Variants in NUP188 observed in about 807,000 individuals in gnomAD.
NUP188 encodes the protein nucleoporin 188, also known as nucleoporin NUP188.
Under a neutral mutation model 223.0 loss-of-function variants are expected in NUP188, and 97 were observed. The observed-to-expected ratio is 0.43, with a 90% confidence interval of 0.37 to 0.51. NUP188 has a LOEUF of 0.51. Ranked by LOEUF, NUP188 falls within the 20% of genes least tolerant of loss-of-function variation. The probability of loss-of-function intolerance (pLI) is 0.00; values close to 1 mark genes in which losing one functional copy is unlikely to be tolerated. For missense variants in NUP188, 1,947 were observed against 2,175.6 expected, an observed-to-expected ratio of 0.89 and a Z score of 2.09; for synonymous variants, 869 against 828.0, an observed-to-expected ratio of 1.05 and a Z score of -0.85.
intron 8 of NUP188, among the ~76,000 whole-genome samples, chr9:128,962,248 CTTTTTTTTTT>C (rs1227664142): frequency 7.6e-6 from 1 of 132,190 alleles, no homozygotes; most frequent in African/African-American, 2.9e-5. Context: ...ACACCATACT[CTTTTTTTTTT>C]TTTTTTTTGA....
rs919565724 is a variant in NUP188, at chr9:128,952,972, T to C, written c.161+126T>C. 3 of 763,506 alleles carry C rather than the reference T, an allele frequency of 3.9e-6. No individual in the cohort carries two copies. In the Admixed American group the frequency reaches 8.3e-5, roughly 21 times the overall value. 47.3% of individuals were successfully genotyped at this position (763,506 alleles called of 1,614,324 possible). A position where few individuals can be genotyped will look rare whatever the true frequency, so the allele number is the denominator to read the frequency against. ...TATACCAGAGATAATACAATTTAGT[T>C]TACCAGTGGAAAACAGTAGGGTACA... is the stretch of plus-strand genomic sequence containing the variant. On this transcript the variant is annotated intron_variant, in intron 3 of 43. Coordinates refer to ENST00000372577, the MANE Select transcript of NUP188 (RefSeq NM_015354.3).
chr9:128,949,019 C>G (rs976687785), intron 1 of NUP188, 170 bp from the exon 2 acceptor site: 1 of 532,530 alleles, frequency 1.9e-6, no homozygotes, highest in Non-Finnish European at 3.4e-6. Flanking sequence ...GCCACCGTGC[C>G]CGGCCCTAAC....
In NUP188 at chr9:128,993,678, C is replaced by T. The variant is rs773353681; in HGVS notation, c.3001C>T (p.Leu1001=). 6.2e-7 allele frequency: 1 copy of T among 1,614,118 alleles called. No homozygotes were observed. Among genetic ancestry groups the T allele is most frequent in the East Asian group, 2.2e-5 (1 of 44,892 alleles). Residue 1001 remains leucine, a synonymous_variant, in exon 27 of 44, where the codon CTG becomes TTG. Transcript: ENST00000372577. ...LWQDRRDSAM[L]VLRTKPKFWE... ...GCAGGATCGGAGGGACAGTGCCATG[C>T]TGGTCCTCCGAACCAAGTAAGTCTG...
chr9:128,953,046 A>G (rs1405470632), intron 3 of NUP188, among the ~76,000 whole-genome samples, 200 bp downstream of exon 3: 20 of 151,486 alleles, frequency 1.3e-4, no homozygotes, highest in Admixed American at 1.3e-3. Context: ...CTAGAAATAC[A>G]GTATTGTAGA....
chr9:128,968,330 A>G lies in NUP188; in HGVS notation c.586-176A>G, dbSNP rs1842059979. On this transcript the variant is annotated intron_variant, in intron 8 of 43. Coordinates refer to ENST00000372577, the MANE Select transcript of NUP188 (RefSeq NM_015354.3). ...GTGGCTTGCGCCTGTAGTCTCAGCT[A>G]TTTAGGAGGCTGAGGTAGGAGGATC... 2.6e-5 allele frequency among the ~76,000 whole-genome samples: 4 copies of G among 152,078 alleles called. No individual in the cohort carries two copies. In the South Asian group the frequency reaches 6.2e-4, roughly 24 times the overall value.
intron 34 of NUP188, 71 bp downstream of exon 34, chr9:128,999,876 A>T: frequency 2.1e-6 from 3 of 1,440,942 alleles, no homozygotes; most frequent in Non-Finnish European, 2.9e-6. Context: ...CTCTGGGGAT[A>T]AGTAGTGATC....
chr9:128,960,785 A>G (rs1193765578), intron 8 of NUP188, among the ~76,000 whole-genome samples: 1 of 152,098 alleles, frequency 6.6e-6, no homozygotes, highest in Non-Finnish European at 1.5e-5. Context: ...CCCTGTTTCT[A>G]CTAAAAATAC....
chr9:128,959,016 T>G lies in NUP188; in HGVS notation c.467T>G (p.Val156Gly). ...YFQDERHPYR[V>G]EYADCVDKLE... ...ATTTACTCTTTTGATTTTTTAAAGG[T>G]TGAATATGCAGACTGTGTTGATAAA... Residue 156 changes from valine (V) to glycine (G), a missense_variant and splice_region_variant, in exon 8 of 44, where the codon GTT (valine) becomes GGT (glycine). Around this residue, in one of 3 missense-constraint regions of NUP188, gnomAD observed 817 missense variants for 865.8 expected, o/e 0.94. Transcript: ENST00000372577. 1 of 1,554,652 alleles carries G rather than the reference T, an allele frequency of 6.4e-7. No individual in the cohort carries two copies. The highest frequency in any genetic ancestry group is 8.7e-7 in the Non-Finnish European group (1 of 1,144,084).
chr9:129,005,587 A>C (rs1842775427), intron 40 of NUP188, 57 bp downstream of exon 40: 4 of 1,610,912 alleles, frequency 2.5e-6, no homozygotes. Flanking sequence ...TCTGCTGTGT[A>C]CCGAGAGCTA....
intron 8 of NUP188, among the ~76,000 whole-genome samples, chr9:128,964,857 C>T (rs1409920709): frequency 1.3e-5 from 2 of 151,974 alleles, no homozygotes; most frequent in Non-Finnish European, 1.5e-5. Flanking sequence ...CAGGCATGTG[C>T]CACCACGCCT....
At chr9:128,967,670 AT>A (rs1366880533) in intron 8 of NUP188, among the ~76,000 whole-genome samples, 17 of 152,026 alleles carry the variant, frequency 1.1e-4, no homozygotes, top group African/African-American at 4.1e-4. Flanking sequence ...GGCGCCTGTA[AT>A]CCCAGCTACT....
At chr9:128,957,464 TAG>T (rs978442710) in intron 5 of NUP188, among the ~76,000 whole-genome samples, 37 of 152,142 alleles carry the variant, frequency 2.4e-4, no homozygotes, top group African/African-American at 7.7e-4. Context: ...AAGGATTTGG[TAG>T]AGTTTCTTTT....
In NUP188 at chr9:128,959,020, A is replaced by C. The variant is rs1027256234; in HGVS notation, c.471A>C (p.Glu157Asp). The C allele has an allele frequency of 2.6e-6, 4 of 1,564,692 alleles. No individual in the cohort carries two copies. The highest frequency in any genetic ancestry group is 3.5e-6 in the Non-Finnish European group (4 of 1,148,746). ...ACTCTTTTGATTTTTTAAAGGTTGAATATGCAGACTGTGTTGATAAATTGG... is the reference window on the plus strand; with the variant it reads ...ACTCTTTTGATTTTTTAAAGGTTGACTATGCAGACTGTGTTGATAAATTGG... ...FQDERHPYRV[E>D]YADCVDKLEK... Residue 157 changes from glutamate to aspartate, a missense_variant, in exon 8 of 44, where the codon GAA (glutamate) becomes GAC (aspartate). Glu to Asp is a conservative substitution (Grantham distance 45, BLOSUM62 2). Transcript: ENST00000372577.
chr9:128,973,043 G>A (rs909101627), intron 11 of NUP188, 117 bp from the exon 12 acceptor site: 4 of 463,580 alleles, frequency 8.6e-6, no homozygotes, highest in African/African-American at 8.0e-5. Context: ...AAATTATGAA[G>A]CTTCAGATTT....
At chr9:129,002,578 G>A (rs12685210) in intron 36 of NUP188, among the ~76,000 whole-genome samples, 46,781 of 152,220 alleles carry the variant, frequency 0.31, 8,461 homozygotes, top group Non-Finnish European at 0.4. Flanking sequence ...GTCCAGGTTC[G>A]CATAGCTCGT....
chr9:128,960,648 G>A (rs919420459), intron 8 of NUP188, among the ~76,000 whole-genome samples: 1 of 152,172 alleles, frequency 6.6e-6, no homozygotes, highest in Non-Finnish European at 1.5e-5. Flanking sequence ...TATAAAAGGT[G>A]TAAAAGAAGA....
At position 128,966,128 on chromosome 9, in the gene NUP188, CGTGTGTGTGTGT is replaced by C. The variant is rs34851120; in HGVS notation, c.586-2348_586-2337del. On this transcript the variant is annotated intron_variant, in intron 8 of 43. Transcript: ENST00000372577. ...TTTTTTTAAAATAGATTTCTGCCTC[CGTGTGTGTGTGT>C]GTGTGTGTGTGTGTGTGTGTGTGTG... Among the ~76,000 whole-genome samples the C allele has an allele frequency of 1.7e-3, 226 of 136,864 alleles. 4 individuals carry two copies. In the East Asian group the frequency reaches 0.034, roughly 20 times the overall value. 89.8% of individuals were successfully genotyped at this position (136,864 alleles called of 152,430 possible). A position where few individuals can be genotyped will look rare whatever the true frequency, so the allele number is the denominator to read the frequency against.
At chr9:128,978,136 G>A (rs1334019000) in intron 12 of NUP188, among the ~76,000 whole-genome samples, 4 of 152,046 alleles carry the variant, frequency 2.6e-5, no homozygotes, top group South Asian at 2.1e-4. Flanking sequence ...TTTGGGAGGC[G>A]GAGGCGAGAA....
intron 38 of NUP188, chr9:129,004,930 A>C: frequency 1.7e-6 from 1 of 579,998 alleles, no homozygotes; most frequent in Non-Finnish European, 3.1e-6. Context: ...TAGGGGCTTT[A>C]AGCTGGAAAG....
Sources: allele counts gnomAD v4.1 joint callset (sites outside exome capture counted in the v4.1 genomes callset), GRCh38; gene constraint gnomAD v4.1.1; regional missense constraint gnomAD v4.1.1; transcripts MANE v1.5; gene names NCBI Gene and HGNC (gene_info 2026-07-23, HGNC 2026-07-21).